Variants in NTN1 observed in about 807,000 individuals in gnomAD.
NTN1 encodes the protein netrin 1.
NTN1 carries 11 observed loss-of-function variants against 54.2 expected under a neutral mutation model. That is an observed-to-expected ratio of 0.20 (90% CI 0.13 to 0.34). NTN1 has a LOEUF of 0.34. Among genes scored for constraint, NTN1 ranks in the 10% least tolerant of loss-of-function variants. NTN1 has a pLI of 1.00. For synonymous variants in NTN1, 371 were observed against 382.0 expected (o/e 0.97, Z 0.33); for missense variants, 740 against 893.1 (o/e 0.83, Z 2.18).
chr17:9,014,083 G>A, the NTN1 span, among the ~76,000 whole-genome samples: 1 of 152,264 alleles, frequency 6.6e-6, no homozygotes, highest in East Asian at 1.9e-4. Context: ...CACCTGCAAA[G>A]GGGGAGGCCT....
At chr17:9,110,478 C>T (rs2092186590) in intron 2 of NTN1, among the ~76,000 whole-genome samples, 1 of 152,034 alleles carries the variant, frequency 6.6e-6, no homozygotes, top group Non-Finnish European at 1.5e-5. Flanking sequence ...CCATGTTGGC[C>T]AGGCTGGTCT....
chr17:9,022,266 G>C, intron 1 of NTN1, 45 bp from the exon 2 acceptor site: 1 of 1,178,392 alleles, frequency 8.5e-7, no homozygotes, highest in Non-Finnish European at 1.1e-6. Context: ...GAGAGCTGGA[G>C]GGCGCGGGGC....
In NTN1 at chr17:9,239,751, A is replaced by T; in HGVS notation, c.1598A>T (p.Gln533Leu). 2 of 1,613,848 alleles carry T rather than the reference A, an allele frequency of 1.2e-6. No homozygotes were observed. Among genetic ancestry groups the T allele is most frequent in the Non-Finnish European group, 1.7e-6 (2 of 1,180,034 alleles). ...ACGAGCCGCATCCGCCGCGGTGACC[A>T]GAGCCTGTGGATCCGCTCGCGGGAC... ...QGTSRIRRGD[Q>L]SLWIRSRDIA... Residue 533 changes from glutamine to leucine, a missense_variant, in exon 7 of 7, where the codon CAG (glutamine) becomes CTG (leucine). Physicochemically the swap from Gln to Leu is moderately radical, Grantham distance 113. Coordinates refer to ENST00000173229, the MANE Select transcript of NTN1 (RefSeq NM_004822.3). This position sits in a 1 kb window ranked among gnomAD's most constrained non-coding sequence, Gnocchi z 5.2.
At chr17:9,052,327 T>C (rs1256627637) in intron 2 of NTN1, among the ~76,000 whole-genome samples, 1 of 152,154 alleles carries the variant, frequency 6.6e-6, no homozygotes, top group Non-Finnish European at 1.5e-5. Flanking sequence ...CATTGAACAT[T>C]GGAATGATTG....
chr17:9,101,244 T>G (rs2092149380), intron 2 of NTN1, among the ~76,000 whole-genome samples: 2 of 152,228 alleles, frequency 1.3e-5, no homozygotes, highest in Admixed American at 6.5e-5. Context: ...AATAAACATT[T>G]GCTGGATTGA....
chr17:9,031,743 G>A (rs182741847), intron 2 of NTN1, among the ~76,000 whole-genome samples: 2 of 152,024 alleles, frequency 1.3e-5, no homozygotes, highest in African/African-American at 2.4e-5. Flanking sequence ...TCGGGAGTTC[G>A]AGACCAGCCT....
chr17:9,170,948 C>T (rs2092385685), intron 3 of NTN1: 1 of 152,118 alleles, frequency 6.6e-6, no homozygotes. Flanking sequence ...AAAACAGGTG[C>T]AGGAAGACTA....
intron 5 of NTN1, among the ~76,000 whole-genome samples, chr17:9,196,101 G>C (rs892593582): frequency 1.3e-5 from 2 of 152,144 alleles, no homozygotes; most frequent in African/African-American, 4.8e-5. Context: ...TTGGCCACCA[G>C]ACCCCATCTG....
chr17:9,052,841 A>G (rs942552790), intron 2 of NTN1, among the ~76,000 whole-genome samples: 2 of 152,140 alleles, frequency 1.3e-5, no homozygotes, highest in African/African-American at 4.8e-5. Context: ...ACAAAATCCT[A>G]CCTAATCCAT....
At chr17:9,206,937 G>A (rs1169063123) in intron 5 of NTN1, among the ~76,000 whole-genome samples, 2 of 152,090 alleles carry the variant, frequency 1.3e-5, no homozygotes, top group African/African-American at 2.4e-5. Flanking sequence ...CTGCCCTTCC[G>A]ATTCCTGCTT....
At chr17:9,043,738 G>C (rs760823807) in intron 2 of NTN1, among the ~76,000 whole-genome samples, 33 of 151,836 alleles carry the variant, frequency 2.2e-4, no homozygotes, top group Non-Finnish European at 4.0e-4. Context: ...GTGTCACCAC[G>C]CCTGGCTAAT....
intron 3 of NTN1, chr17:9,174,166 C>T (rs998505421): frequency 1.3e-5 from 2 of 152,272 alleles, no homozygotes; most frequent in African/African-American, 2.4e-5. Context: ...AGCAGGGGCT[C>T]TAAAGATCAT....
At chr17:9,166,170 ACC>A (rs2092372593) in intron 3 of NTN1, among the ~76,000 whole-genome samples, 1 of 66,704 alleles carries the variant, frequency 1.5e-5, no homozygotes, top group South Asian at 5.3e-4. Context: ...CACCACCACC[ACC>A]ACCACCACCA....
At chr17:9,056,583 C>A (rs1481761302) in intron 2 of NTN1, among the ~76,000 whole-genome samples, 1 of 152,222 alleles carries the variant, frequency 6.6e-6, no homozygotes. Context: ...GGCTCAACAG[C>A]TCTGGTCAGA....
At chr17:9,162,644 G>A (rs1338502245) in intron 2 of NTN1, among the ~76,000 whole-genome samples, 169 bp from the exon 3 acceptor site, 3 of 152,234 alleles carry the variant, frequency 2.0e-5, no homozygotes, top group African/African-American at 7.2e-5. Flanking sequence ...AAATGCTTAC[G>A]GGTACAAACA....
At chr17:9,074,075 A>G (rs2092041347) in intron 2 of NTN1, among the ~76,000 whole-genome samples, 1 of 152,080 alleles carries the variant, frequency 6.6e-6, no homozygotes. Flanking sequence ...GGCTATGTTG[A>G]GTGAAGACTT....
chr17:9,048,314 CT>C (rs34970192), intron 2 of NTN1, among the ~76,000 whole-genome samples: 58,758 of 148,692 alleles, frequency 0.4, 12,805 homozygotes, highest in African/African-American at 0.6. Flanking sequence ...TGAAAGGAAT[CT>C]TTTTTTTTTT....
At chr17:9,024,718 C>T (rs1016002431) in intron 2 of NTN1, among the ~76,000 whole-genome samples, 2 of 152,214 alleles carry the variant, frequency 1.3e-5, no homozygotes, top group Admixed American at 6.5e-5. Flanking sequence ...AGACGCCGGG[C>T]CTCCCGCCTC....
chr17:9,043,218 ACT>A (rs886640949), intron 2 of NTN1, among the ~76,000 whole-genome samples: 1 of 151,330 alleles, frequency 6.6e-6, no homozygotes, highest in African/African-American at 2.4e-5. Flanking sequence ...ATTTTTTCTC[ACT>A]CTCTCTTTGC....
Sources: allele counts gnomAD v4.1 joint callset (sites outside exome capture counted in the v4.1 genomes callset), GRCh38; gene constraint gnomAD v4.1.1; non-coding constraint Gnocchi (gnomAD v3.1); transcripts MANE v1.5; gene names NCBI Gene and HGNC (gene_info 2026-07-23, HGNC 2026-07-21).